The following LNPEP variants were observed in gnomAD, a reference collection of about 807,000 sequenced individuals.
LNPEP encodes leucyl and cystinyl aminopeptidase, also known as leucyl-cystinyl aminopeptidase.
LNPEP carries 64 observed loss-of-function variants against 120.6 expected under a neutral mutation model. That is an observed-to-expected ratio of 0.53 (90% confidence interval 0.43 to 0.65). LNPEP has a LOEUF of 0.65. Ranked by LOEUF, LNPEP falls within the 30% of genes least tolerant of loss-of-function variation. LNPEP has a pLI of 0.00. For synonymous variants in LNPEP, 435 were observed against 425.4 expected, an observed-to-expected ratio of 1.02 and a Z score of -0.28; for missense variants, 1,057 against 1,200.0, an observed-to-expected ratio of 0.88 and a Z score of 1.76.
intron 1 of LNPEP, among the ~76,000 whole-genome samples, chr5:96,940,333 A>G (rs1789022376): frequency 6.6e-6 from 1 of 152,216 alleles, no homozygotes; most frequent in African/African-American, 2.4e-5. Context: ...ATTGGTTATA[A>G]GGAAATTATA....
intron 4 of LNPEP, among the ~76,000 whole-genome samples, chr5:96,989,901 C>G (rs1001154058): frequency 2.0e-5 from 3 of 152,142 alleles, no homozygotes; most frequent in Admixed American, 6.5e-5. Flanking sequence ...TAAGTGGACC[C>G]TTTGGTCAAA....
intron 1 of LNPEP, 103 bp downstream of exon 1, chr5:96,936,277 C>A (rs1788865187): frequency 1.4e-5 from 14 of 978,522 alleles, no homozygotes; most frequent in Admixed American, 8.1e-5. Flanking sequence ...TCCCCCAACA[C>A]CGCGGGCTTC....
chr5:96,980,369 G>A lies in LNPEP; in HGVS notation c.860+391G>A, dbSNP rs185562310. Among the ~76,000 whole-genome samples, 3 of 152,252 alleles carry A rather than the reference G, an allele frequency of 2.0e-5. No homozygotes were observed. In the East Asian group the frequency reaches 5.8e-4, roughly 29 times the overall value. On this transcript the variant is annotated intron_variant, in intron 2 of 17. Transcript: ENST00000231368. ...GCAGAACTTTTAGGAGGTACTTAGT[G>A]AAATACAGAAAGAGGGCATGAAGAA...
At chr5:96,969,432 A>G (rs1033383327) in intron 1 of LNPEP, among the ~76,000 whole-genome samples, 1 of 152,156 alleles carries the variant, frequency 6.6e-6, no homozygotes, top group East Asian at 1.9e-4. Context: ...TTACTGGCTA[A>G]ATAATTTTGT....
chr5:96,975,259 T>C (rs1789961010), intron 1 of LNPEP, among the ~76,000 whole-genome samples: 1 of 152,140 alleles, frequency 6.6e-6, no homozygotes, highest in South Asian at 2.1e-4. Flanking sequence ...CTGAATGCCA[T>C]CTCATAATCC....
Position 97,029,558 on chromosome 5 carries a change from A to G in LNPEP, c.*1025A>G, listed in dbSNP as rs1791430785. 2 of 152,380 alleles carry G rather than the reference A, an allele frequency of 1.3e-5. No homozygotes were observed. Among genetic ancestry groups the G allele is most frequent in the African/African-American group, 4.8e-5 (2 of 41,464 alleles). The allele number at this position is 152,380 out of a possible 1,614,324, so 9.4% of individuals were successfully genotyped here. ...TATGATAGTGTAGCATATTAGAAGC[A>G]TATTTTAAAACAGAGCCTTTGAGAA... On this transcript the variant is annotated 3_prime_UTR_variant, in exon 18 of 18. Coordinates refer to ENST00000231368, the MANE Select transcript of LNPEP (RefSeq NM_005575.3).
At chr5:96,960,662 A>G (rs1421096647) in intron 1 of LNPEP, among the ~76,000 whole-genome samples, 5 of 152,322 alleles carry the variant, frequency 3.3e-5, no homozygotes, top group Middle Eastern at 3.4e-3. Flanking sequence ...ATAGTAAAAT[A>G]TGTTAGAATT....
At chr5:97,023,004 TA>T (rs147179867) in intron 14 of LNPEP, among the ~76,000 whole-genome samples, 5,689 of 152,244 alleles carry the variant, frequency 0.037, 182 homozygotes, top group Middle Eastern at 0.11. Flanking sequence ...TATTGTGTAC[TA>T]TATTTTCAGA....
intron 1 of LNPEP, among the ~76,000 whole-genome samples, 198 bp from the exon 2 acceptor site, chr5:96,978,935 CTTTTA>C (rs1333366038): frequency 6.6e-6 from 1 of 152,058 alleles, no homozygotes; most frequent in Non-Finnish European, 1.5e-5. Context: ...CTGTGGTATA[CTTTTA>C]TTTATGTTTT....
chr5:96,986,669 T>C lies in LNPEP; in HGVS notation c.1130T>C (p.Leu377Pro), dbSNP rs751082942. 3.1e-6 allele frequency: 5 copies of C among 1,613,240 alleles called. 1 individual carries two copies. The South Asian group carries it at 4.4e-5, about 14-fold the overall frequency. Residue 377 changes from leucine (L) to proline (P), a missense_variant and splice_region_variant, in exon 4 of 18, where the codon CTG becomes CCG. Coordinates refer to ENST00000231368, the MANE Select transcript of LNPEP (RefSeq NM_005575.3). ...KNLSQDVNGT[L>P]VSIYAVPEKI... ...CTGAGTCAGGACGTAAATGGAACCCTGGTATGTTGATGTGGTAATTGTCTG... is the reference window on the plus strand; with the variant it reads ...CTGAGTCAGGACGTAAATGGAACCCCGGTATGTTGATGTGGTAATTGTCTG...
intron 1 of LNPEP, among the ~76,000 whole-genome samples, chr5:96,974,581 C>T (rs1032010791): frequency 3.9e-5 from 6 of 152,122 alleles, no homozygotes; most frequent in Non-Finnish European, 7.4e-5. Context: ...TTTGTCTATA[C>T]CACATTTTCC....
rs957700014 is a variant in LNPEP at position 97,037,283 on chromosome 5, G to A, written c.*8750G>A. 6.6e-6 allele frequency: 1 copy of A among 152,068 alleles called. No homozygotes were observed. The highest frequency in any genetic ancestry group is 1.5e-5 in the Non-Finnish European group (1 of 68,002). 9.4% of individuals were successfully genotyped at this position (152,068 alleles called of 1,614,324 possible). On this transcript the variant is annotated 3_prime_UTR_variant, in exon 18 of 18. Coordinates refer to ENST00000231368, the MANE Select transcript of LNPEP (RefSeq NM_005575.3). ...TTCCTTGAGTCTGAGCTTGTGGGTG[G>A]AATTCTAAATTTGTATCATAATCTG...
At chr5:96,988,591 C>G (rs1790299472) in intron 4 of LNPEP, among the ~76,000 whole-genome samples, 1 of 151,956 alleles carries the variant, frequency 6.6e-6, no homozygotes, top group African/African-American at 2.4e-5. Context: ...CCGCCTCAGC[C>G]TCCCAAAGTG....
intron 1 of LNPEP, among the ~76,000 whole-genome samples, chr5:96,955,756 C>T (rs1789453746): frequency 6.6e-6 from 1 of 152,340 alleles, no homozygotes; most frequent in East Asian, 1.9e-4. Context: ...TATGAACACT[C>T]TAGTATAAGT....
rs1343110928 is a variant in LNPEP at position 97,028,649 on chromosome 5, T to C, written c.*116T>C. On this transcript the variant is annotated 3_prime_UTR_variant, in exon 18 of 18. Transcript: ENST00000231368. Reference sequence around the variant, plus strand: ...ATCGCTGCCAAGTTGTTTGCACTCTTTGGAGTTCTAGTTAGCTCAGGGCCT... The same window carrying C: ...ATCGCTGCCAAGTTGTTTGCACTCTCTGGAGTTCTAGTTAGCTCAGGGCCT... 1 of 1,063,994 alleles carries C rather than the reference T, an allele frequency of 9.4e-7. No individual in the cohort carries two copies. Among genetic ancestry groups the C allele is most frequent in the Non-Finnish European group, 1.4e-6 (1 of 719,510 alleles). 65.9% of individuals were successfully genotyped at this position (1,063,994 alleles called of 1,614,324 possible).
In LNPEP at chr5:96,998,088, A is replaced by T; in HGVS notation, c.1596A>T (p.Ser532=). The change falls in exon 8 of 18, where the codon TCA becomes TCT. Residue 532 remains serine (S), a synonymous_variant. Transcript: ENST00000231368. ...DSLNSSHPIS[S]SVQSSEQIEE... ...TAAATTCATCTCATCCAATATCATC[A>T]TCTGTTCAGTCTTCAGAACAAATTG... The T allele has an allele frequency of 3.1e-6, 5 of 1,589,884 alleles. No homozygotes were observed. The highest frequency in any genetic ancestry group is 3.4e-6 in the Non-Finnish European group (4 of 1,161,558).
chr5:96,993,927 A>G lies in LNPEP; in HGVS notation c.1363A>G (p.Arg455Gly). The G allele has an allele frequency of 6.2e-7, 1 of 1,613,956 alleles. No homozygotes were observed. Among genetic ancestry groups the G allele is most frequent in the Non-Finnish European group, 8.5e-7 (1 of 1,179,850 alleles). Residue 455 changes from arginine to glycine, a missense_variant, in exon 6 of 18, where the codon AGA (arginine) becomes GGA (glycine). Coordinates refer to ENST00000231368, the MANE Select transcript of LNPEP (RefSeq NM_005575.3). ...YDSNTSSMADRKLVTKIIAHE... is the reference protein window; with the variant it reads ...YDSNTSSMADGKLVTKIIAHE... Reference sequence around the variant, plus strand: ...CAGTAACACTTCTTCAATGGCGGATAGAAAGCTGGTGACTAAAATCATTGC... The same window carrying G: ...CAGTAACACTTCTTCAATGGCGGATGGAAAGCTGGTGACTAAAATCATTGC...
At chr5:97,024,926 T>A (rs533926237) in intron 15 of LNPEP, among the ~76,000 whole-genome samples, 5 of 152,256 alleles carry the variant, frequency 3.3e-5, no homozygotes, top group African/African-American at 1.2e-4. Flanking sequence ...TACTCCTTGC[T>A]CAAAAAGTCT....
At chr5:97,022,629 A>G (rs1791232311) in intron 14 of LNPEP, 145 bp downstream of exon 14, 4 of 679,688 alleles carry the variant, frequency 5.9e-6, no homozygotes, top group South Asian at 2.0e-5. Flanking sequence ...TGCATTCTCA[A>G]ACAAGACTTT....
Sources: allele counts gnomAD v4.1 joint callset (sites outside exome capture counted in the v4.1 genomes callset), GRCh38; gene constraint gnomAD v4.1.1; transcripts MANE v1.5; gene names NCBI Gene and HGNC (gene_info 2026-07-23, HGNC 2026-07-21).